PPP1R1B: variants seen among roughly 807,000 people sequenced by gnomAD.
PPP1R1B encodes protein phosphatase 1 regulatory inhibitor subunit 1B, also known as protein phosphatase 1 regulatory subunit 1B.
In PPP1R1B, 13 loss-of-function variants were observed where a neutral mutation model predicts 28.2. The observed-to-expected ratio is 0.46, with a 90% CI of 0.30 to 0.73. PPP1R1B has a LOEUF of 0.73. Among genes scored for constraint, PPP1R1B ranks in the 30% least tolerant of loss-of-function variants. The pLI, the probability that PPP1R1B is intolerant of heterozygous loss-of-function variation, is 0.07. For synonymous variants in PPP1R1B, 102 were observed against 97.5 expected (o/e 1.05, Z -0.27); for missense variants, 236 against 256.7 (o/e 0.92, Z 0.55).
At position 39,635,951 on chromosome 17, in the gene PPP1R1B, T is replaced by A; in HGVS notation, c.*86T>A. ...ACTCTATCCTCACCCTGTTTTGTGC[T>A]CTTCCCCTCGCCTGCTAGGGCTGCG... On this transcript the variant is annotated 3_prime_UTR_variant, in exon 7 of 7. Transcript: ENST00000254079. 6.9e-7 allele frequency: 1 copy of A among 1,459,096 alleles called. No individual in the cohort carries two copies. Among genetic ancestry groups the A allele is most frequent in the Non-Finnish European group, 9.4e-7 (1 of 1,062,676 alleles). The allele number at this position is 1,459,096 out of a possible 1,614,324, so 90.4% of individuals were successfully genotyped here. A position where few individuals can be genotyped will look rare whatever the true frequency, so the allele number is the denominator to read the frequency against.
Position 39,634,022 on chromosome 17 carries a change from T to G in PPP1R1B, c.381T>G (p.Asp127Glu), listed in dbSNP as rs767316801. Residue 127 changes from aspartate (D) to glutamate (E), a missense_variant, in exon 5 of 7, where the codon GAT becomes GAG. Transcript: ENST00000254079. ...AGGAAGATGAGGAGGAAGAGGAGGATGATGAAGAAGAGGAAGAAGAAGAGG... is the reference window on the plus strand; with the variant it reads ...AGGAAGATGAGGAGGAAGAGGAGGAGGATGAAGAAGAGGAAGAAGAAGAGG... ...PREEDEEEEE[D>E]DEEEEEEEDS... The G allele has an allele frequency of 1.4e-5, 23 of 1,613,636 alleles. No individual in the cohort carries two copies. Among genetic ancestry groups the G allele is most frequent in the Non-Finnish European group, 1.8e-5 (21 of 1,179,840 alleles).
intron 4 of PPP1R1B, chr17:39,630,284 GAA>G (rs1222010286): frequency 3.9e-6 from 2 of 516,058 alleles, no homozygotes; most frequent in Non-Finnish European, 7.0e-6. Flanking sequence ...GGGCTTGAAA[GAA>G]AAGAGATGGC....
At chr17:39,629,637 C>T in intron 3 of PPP1R1B, 75 bp downstream of exon 3, 1 of 1,511,474 alleles carries the variant, frequency 6.6e-7, no homozygotes, top group Non-Finnish European at 9.1e-7. Context: ...CCTGCAGTGA[C>T]AACCAACCAG....
chr17:39,628,799 C>T (rs953812638), intron 1 of PPP1R1B: 14 of 755,122 alleles, frequency 1.9e-5, no homozygotes, highest in South Asian at 5.0e-5. Context: ...CTTTGGCTTC[C>T]GAGGTCTGAT....
intron 5 of PPP1R1B, 125 bp from the exon 6 acceptor site, chr17:39,635,482 C>G: frequency 2.3e-6 from 3 of 1,328,600 alleles, no homozygotes; most frequent in Non-Finnish European, 3.1e-6. Flanking sequence ...GCCCAGTTCT[C>G]TCTCCATGCT....
chr17:39,629,647 G>A (rs2056861937), intron 3 of PPP1R1B, 85 bp downstream of exon 3: 1 of 1,423,004 alleles, frequency 7.0e-7, no homozygotes, highest in Non-Finnish European at 9.8e-7. Context: ...CAACCAACCA[G>A]TATGGGGTGC....
intron 2 of PPP1R1B, 50 bp downstream of exon 2, chr17:39,629,280 C>T: frequency 6.4e-7 from 1 of 1,565,522 alleles, no homozygotes; most frequent in Non-Finnish European, 8.8e-7. Flanking sequence ...AGCTCTGATG[C>T]CTTCCTAGGG....
chr17:39,635,246 C>CA (rs530415909), intron 5 of PPP1R1B, among the ~76,000 whole-genome samples: 8 of 151,930 alleles, frequency 5.3e-5, no homozygotes, highest in Admixed American at 1.3e-4. Flanking sequence ...AACAAACAAA[C>CA]AAAAAATGCA....
Position 39,629,207 on chromosome 17 carries a change from G to T in PPP1R1B, c.119G>T (p.Arg40Leu). 6.2e-7 allele frequency: 1 copy of T among 1,613,596 alleles called. No individual in the cohort carries two copies. Among genetic ancestry groups the T allele is most frequent in the Non-Finnish European group, 8.5e-7 (1 of 1,179,904 alleles). ...AGACCAACGCCTGCCATGCTGTTCC[G>T]GCTCTCAGAGCACTCCTCACCAGGT... ...RRRPTPAMLF[R>L]LSEHSSPEEE... Residue 40 changes from arginine (R) to leucine (L), a missense_variant, in exon 2 of 7, where the codon CGG becomes CTG. Arg to Leu is a moderately radical substitution (Grantham distance 102, BLOSUM62 -2). Coordinates refer to ENST00000254079, the MANE Select transcript of PPP1R1B (RefSeq NM_032192.4).
chr17:39,634,192 A>G (rs968372943), intron 5 of PPP1R1B, 106 bp downstream of exon 5: 5 of 1,417,874 alleles, frequency 3.5e-6, no homozygotes, highest in Non-Finnish European at 4.9e-6. Context: ...CTGTAGTGAC[A>G]CCACAGGGGC....
chr17:39,627,366 C>T lies in PPP1R1B; in HGVS notation c.-27C>T. 1 of 1,551,740 alleles carries T rather than the reference C, an allele frequency of 6.4e-7. No homozygotes were observed. The highest frequency in any genetic ancestry group is 8.8e-7 in the Non-Finnish European group (1 of 1,136,018). On this transcript the variant is annotated 5_prime_UTR_variant, in exon 1 of 7. Transcript: ENST00000254079. ...CCGCCGGGACCCCGAGTCGCGCACC[C>T]CAGCCCCACCGCCCACCCCGCGCGC...
chr17:39,630,183 C>T (rs562861384), intron 4 of PPP1R1B, 136 bp downstream of exon 4: 15 of 788,700 alleles, frequency 1.9e-5, no homozygotes, highest in African/African-American at 1.4e-4. Flanking sequence ...AACAACCCAA[C>T]GTAAAGACCA....
Position 39,633,957 on chromosome 17 carries a change from G to A in PPP1R1B, c.316G>A (p.Asp106Asn). 3 of 1,613,942 alleles carry A rather than the reference G, an allele frequency of 1.9e-6. No individual in the cohort carries two copies. Among genetic ancestry groups the A allele is most frequent in the Middle Eastern group, 1.7e-4 (1 of 6,060 alleles). Residue 106 changes from aspartate to asparagine, a missense_variant, in exon 5 of 7, where the codon GAT becomes AAT. Asp to Asn is a conservative substitution (Grantham distance 23, BLOSUM62 1). Transcript: ENST00000254079. ...TGAGAACCAGGCCTCAGAGGAGGAGGATGAGCTGGGGGAGCTTCGGGAGCT... is the reference window on the plus strand; with the variant it reads ...TGAGAACCAGGCCTCAGAGGAGGAGAATGAGCTGGGGGAGCTTCGGGAGCT... ...LNENQASEEE[D>N]ELGELRELGY...
rs1472724201 is a variant in PPP1R1B, at chr17:39,627,381, A to T, written c.-12A>T. The T allele has an allele frequency of 1.5e-5, 23 of 1,575,918 alleles. No homozygotes were observed. The highest frequency in any genetic ancestry group is 1.8e-5 in the Non-Finnish European group (21 of 1,160,862). On this transcript the variant is annotated 5_prime_UTR_variant, in exon 1 of 7. Coordinates refer to ENST00000254079, the MANE Select transcript of PPP1R1B (RefSeq NM_032192.4). ...GTCGCGCACCCCAGCCCCACCGCCC[A>T]CCCCGCGCGCCATGGACCCCAAGGA... is the stretch of plus-strand genomic sequence containing the variant.
At position 39,627,140 on chromosome 17, in the gene PPP1R1B, C is replaced by T. The variant is rs2056843195; in HGVS notation, c.-253C>T. On this transcript the variant is annotated 5_prime_UTR_variant, in exon 1 of 7. Coordinates refer to ENST00000254079, the MANE Select transcript of PPP1R1B (RefSeq NM_032192.4). Reference sequence around the variant, plus strand: ...GGCCGGGGAGCGCGAGGGAGCGAGGCACAGACCTGGCTCAGCGAGCGCGGG... The same window carrying T: ...GGCCGGGGAGCGCGAGGGAGCGAGGTACAGACCTGGCTCAGCGAGCGCGGG... 3 of 461,616 alleles carry T rather than the reference C, an allele frequency of 6.5e-6. No homozygotes were observed. Among genetic ancestry groups the T allele is most frequent in the Non-Finnish European group, 1.1e-5 (3 of 262,940 alleles). 28.6% of individuals were successfully genotyped at this position (461,616 alleles called of 1,614,324 possible).
chr17:39,630,953 C>T (rs989129253), intron 4 of PPP1R1B, among the ~76,000 whole-genome samples: 16 of 152,196 alleles, frequency 1.1e-4, no homozygotes, highest in African/African-American at 3.9e-4. Flanking sequence ...CCTGTCATCT[C>T]AGCTACTCAG....
chr17:39,634,172 T>C (rs1048541149), intron 5 of PPP1R1B, 86 bp downstream of exon 5: 3 of 1,550,016 alleles, frequency 1.9e-6, no homozygotes, highest in African/African-American at 1.4e-5. Context: ...CAGTGTCTCA[T>C]ACACGCAAAC....
chr17:39,634,125 GTCC>G (rs769715426), intron 5 of PPP1R1B, 39 bp downstream of exon 5: 1 of 1,610,966 alleles, frequency 6.2e-7, no homozygotes, highest in Non-Finnish European at 8.5e-7. Context: ...TTAGCTGTGG[GTCC>G]TCCTTGAGTA....
chr17:39,633,998 G>C lies in PPP1R1B; in HGVS notation c.357G>C (p.Glu119Asp). 6.2e-7 allele frequency: 1 copy of C among 1,613,958 alleles called. No individual in the cohort carries two copies. The highest frequency in any genetic ancestry group is 8.5e-7 in the Non-Finnish European group (1 of 1,179,932). ...GELRELGYPR[E>D]EDEEEEEDDE... Reference sequence around the variant, plus strand: ...TTCGGGAGCTGGGTTATCCAAGAGAGGAAGATGAGGAGGAAGAGGAGGATG... The same window carrying C: ...TTCGGGAGCTGGGTTATCCAAGAGACGAAGATGAGGAGGAAGAGGAGGATG... Residue 119 changes from glutamate to aspartate, a missense_variant, in exon 5 of 7, where the codon GAG becomes GAC. Physicochemically the swap from Glu to Asp is conservative, Grantham distance 45 (BLOSUM62 2). Transcript: ENST00000254079.
Sources: allele counts gnomAD v4.1 joint callset (sites outside exome capture counted in the v4.1 genomes callset), GRCh38; gene constraint gnomAD v4.1.1; transcripts MANE v1.5; gene names NCBI Gene and HGNC (gene_info 2026-07-23, HGNC 2026-07-21).